Variants in ERAP1 observed in about 807,000 individuals in gnomAD.
The protein encoded by ERAP1 is endoplasmic reticulum aminopeptidase 1.
In ERAP1, 86 loss-of-function variants were observed where a neutral mutation model predicts 103.7. That is an observed-to-expected ratio of 0.83 (90% CI 0.70 to 0.99). The LOEUF (loss-of-function observed/expected upper bound fraction) is 0.99, where lower values mean the gene tolerates loss of function less well. Ranked by LOEUF, ERAP1 falls within the 50% of genes least tolerant of loss-of-function variation. The pLI is 0.00. For missense variants in ERAP1, 1,009 were observed against 1,128.4 expected (o/e 0.89, Z 1.52); for synonymous variants, 398 against 402.4 (o/e 0.99, Z 0.13).
At chr5:96,866,678 G>A in the ERAP1 span, among the ~76,000 whole-genome samples, 1 of 152,126 alleles carries the variant, frequency 6.6e-6, no homozygotes, top group Non-Finnish European at 1.5e-5. Context: ...CACCTTCTAG[G>A]AGAGACCTCG....
At chr5:96,769,152 C>A (rs1268130049) in intron 19 of ERAP1, 1 of 152,180 alleles carries the variant, frequency 6.6e-6, no homozygotes, top group Non-Finnish European at 1.5e-5. Context: ...CTGCAGATCT[C>A]AGTTTGCTAT....
the ERAP1 span, chr5:96,889,037 C>T: frequency 1.1e-6 from 1 of 931,570 alleles, no homozygotes; most frequent in South Asian, 1.7e-5. Context: ...TTCACAGAAC[C>T]TCTTATCCTT....
At chr5:96,849,323 T>G in the ERAP1 span, among the ~76,000 whole-genome samples, 1 of 152,122 alleles carries the variant, frequency 6.6e-6, no homozygotes, top group East Asian at 1.9e-4. Context: ...AACAATTAAA[T>G]GAAGTAGTCT....
chr5:96,848,584 A>G, the ERAP1 span: 1 of 152,236 alleles, frequency 6.6e-6, no homozygotes, highest in Non-Finnish European at 1.5e-5. Flanking sequence ...TCCATCATGA[A>G]GAAATAAAAT....
intron 12 of ERAP1, 93 bp from the exon 13 acceptor site, chr5:96,786,064 G>T (rs1775949869): frequency 8.3e-7 from 1 of 1,207,134 alleles, no homozygotes. Context: ...TTAGAGAAGA[G>T]TTTAATACTG....
intron 13 of ERAP1, 96 bp from the exon 14 acceptor site, chr5:96,784,176 A>G: frequency 7.6e-7 from 1 of 1,317,164 alleles, no homozygotes; most frequent in Non-Finnish European, 1.1e-6. Context: ...CAAAACAAGC[A>G]ATCAGATATA....
At position 96,781,871 on chromosome 5, in the gene ERAP1, A is replaced by C. The variant is rs767175696; in HGVS notation, c.2286-17T>G. On this transcript the variant is annotated splice_polypyrimidine_tract_variant and intron_variant, in intron 15 of 18. Coordinates refer to ENST00000443439, the MANE Select transcript of ERAP1 (RefSeq NM_001040458.3). ...ACAGGCAGGCTATAGAAAGGAACAC[A>C]CTCGGTGAGAATCTGAGGTGCAGTA... 1.2e-6 allele frequency: 2 copies of C among 1,612,794 alleles called. No homozygotes were observed. Among genetic ancestry groups the C allele is most frequent in the Admixed American group, 3.3e-5 (2 of 59,982 alleles).
the ERAP1 span, chr5:96,901,428 A>C: frequency 6.7e-7 from 1 of 1,483,418 alleles, no homozygotes; most frequent in Non-Finnish European, 9.2e-7. Context: ...CTGGCATCCA[A>C]GGAGATGGAA....
the ERAP1 span, among the ~76,000 whole-genome samples, chr5:96,818,445 T>C: frequency 6.6e-6 from 1 of 151,946 alleles, no homozygotes; most frequent in Non-Finnish European, 1.5e-5. Flanking sequence ...TTTTTTTCCT[T>C]TATGTTCCCA....
chr5:96,919,312 T>C, the ERAP1 span: 4 of 152,362 alleles, frequency 2.6e-5, no homozygotes, highest in African/African-American at 9.6e-5. Flanking sequence ...CATGGAATCT[T>C]TGAAGTATCT....
At chr5:96,830,885 G>A in the ERAP1 span, among the ~76,000 whole-genome samples, 2 of 152,180 alleles carry the variant, frequency 1.3e-5, no homozygotes, top group African/African-American at 2.4e-5. Flanking sequence ...CAAGGGATTA[G>A]TTCCAGGATC....
downstream of ERAP1, chr5:96,771,779 A>G: frequency 7.0e-6 from 6 of 857,480 alleles, no homozygotes. Context: ...AGAGAAGTGA[A>G]GTCCACCTCT....
chr5:96,859,556 A>C, the ERAP1 span, among the ~76,000 whole-genome samples: 1 of 152,098 alleles, frequency 6.6e-6, no homozygotes, highest in Non-Finnish European at 1.5e-5. Context: ...CAAGCTGCAC[A>C]GTGCAATGTG....
chr5:96,863,416 C>T, the ERAP1 span, among the ~76,000 whole-genome samples: 1 of 152,108 alleles, frequency 6.6e-6, no homozygotes, highest in Admixed American at 6.6e-5. Flanking sequence ...CTGTGTCATC[C>T]AATTCAGTGG....
chr5:96,856,318 C>CAA, the ERAP1 span, among the ~76,000 whole-genome samples: 37 of 12,168 alleles, frequency 3.0e-3, 11 homozygotes, highest in Non-Finnish European at 4.9e-3. Flanking sequence ...GACTCCGTCT[C>CAA]AAAAAAAAAA....
At chr5:96,905,427 T>C in the ERAP1 span, among the ~76,000 whole-genome samples, 2 of 152,256 alleles carry the variant, frequency 1.3e-5, no homozygotes, top group African/African-American at 4.8e-5. Context: ...CTAGTTGTTC[T>C]GAAATTTGTT....
chr5:96,793,340 C>G, intron 7 of ERAP1, 60 bp downstream of exon 7: 1 of 1,130,942 alleles, frequency 8.8e-7, no homozygotes, highest in Non-Finnish European at 1.3e-6. Context: ...GAATATTTTC[C>G]AGCAATATTG....
chr5:96,811,246 C>T (rs373257969), upstream of ERAP1, among the ~76,000 whole-genome samples: 19 of 152,124 alleles, frequency 1.2e-4, no homozygotes, highest in Admixed American at 3.3e-4. Context: ...ACAGGGAAGA[C>T]GGTACAGATG....
chr5:96,776,210 C>T lies in ERAP1; in HGVS notation c.*186G>A, dbSNP rs1232451409. 1.3e-6 allele frequency: 2 copies of T among 1,510,366 alleles called. No homozygotes were observed. Among genetic ancestry groups the T allele is most frequent in the African/African-American group, 2.8e-5 (2 of 71,980 alleles). 93.6% of individuals were successfully genotyped at this position (1,510,366 alleles called of 1,614,324 possible). ...AGGGCAACACCTGTGATGAACAAAACACATGGTAGCGATAGCCCATTCATG... is the reference window on the plus strand; with the variant it reads ...AGGGCAACACCTGTGATGAACAAAATACATGGTAGCGATAGCCCATTCATG... On this transcript the variant is annotated 3_prime_UTR_variant, in exon 19 of 19. Transcript: ENST00000443439.
Sources: gnomAD v4.1 joint callset for allele counts (sites outside exome capture counted in the v4.1 genomes callset) on GRCh38, gnomAD v4.1.1 for gene constraint, MANE v1.5 for transcripts, NCBI Gene and HGNC (gene_info 2026-07-23, HGNC 2026-07-21) for gene names.